MAP2K5: variants seen among roughly 807,000 people sequenced by gnomAD.
MAP2K5 encodes the protein dual specificity mitogen-activated protein kinase kinase 5.
Under a neutral mutation model 83.1 loss-of-function variants are expected in MAP2K5, and 49 were observed. That is an observed-to-expected ratio of 0.59 (90% CI 0.47 to 0.75). The LOEUF is 0.75. MAP2K5 is among the 30% of genes least tolerant of loss of function. The pLI, the probability that MAP2K5 is intolerant of heterozygous loss-of-function variation, is 0.00. For missense variants in MAP2K5, 457 were observed against 557.5 expected (o/e 0.82, Z 1.82); for synonymous variants, 202 against 191.8 (o/e 1.05, Z -0.44).
rs1032158975 is a variant in MAP2K5 at position 67,746,916 on chromosome 15, T to C, written c.1075-1315T>C. 6.6e-6 allele frequency among the ~76,000 whole-genome samples: 1 copy of C among 152,218 alleles called. No homozygotes were observed. The highest frequency in any genetic ancestry group is 1.5e-5 in the Non-Finnish European group (1 of 68,032). On this transcript the variant is annotated intron_variant, in intron 17 of 21. Transcript: ENST00000178640. This position sits in a 1 kb window ranked among gnomAD's most constrained non-coding sequence, Gnocchi z 4.1. Reference sequence around the variant, plus strand: ...AGAAATGCATAAACATAGCTGCAGCTCTTGAGAAACTCACAGTCTAGGTGA... The same window carrying C: ...AGAAATGCATAAACATAGCTGCAGCCCTTGAGAAACTCACAGTCTAGGTGA...
intron 8 of MAP2K5, among the ~76,000 whole-genome samples, chr15:67,613,272 C>T (rs1567309759): frequency 6.6e-6 from 1 of 152,190 alleles, no homozygotes; most frequent in African/African-American, 2.4e-5. Context: ...GCTAAGGTAT[C>T]TTGCAAATGT....
intron 8 of MAP2K5, among the ~76,000 whole-genome samples, chr15:67,618,165 T>C (rs2086097530): frequency 6.6e-6 from 1 of 152,244 alleles, no homozygotes; most frequent in Admixed American, 6.5e-5. Context: ...ATATAATCAG[T>C]TGGATTTATC....
At chr15:67,648,790 A>G (rs2086891879) in intron 11 of MAP2K5, among the ~76,000 whole-genome samples, 1 of 152,068 alleles carries the variant, frequency 6.6e-6, no homozygotes. Flanking sequence ...TCACTGTGTT[A>G]GGATGGTCTC....
At chr15:67,594,572 G>A (rs1320327783) in intron 7 of MAP2K5, among the ~76,000 whole-genome samples, 1 of 152,112 alleles carries the variant, frequency 6.6e-6, no homozygotes, top group Non-Finnish European at 1.5e-5. Flanking sequence ...TTTTCATAAT[G>A]TTTTGACAAA....
chr15:67,584,284 A>G lies in MAP2K5; in HGVS notation c.323-1606A>G, dbSNP rs535770763. ...CCAGTTATAAAAGTTTGAGAAGTCA[A>G]TTGAGGAGTGAGGCAGATGTTAAGG... On this transcript the variant is annotated intron_variant, in intron 4 of 21. Transcript: ENST00000178640. Among the ~76,000 whole-genome samples the G allele has an allele frequency of 3.3e-5, 5 of 152,344 alleles. No individual in the cohort carries two copies. In the East Asian group the frequency reaches 7.7e-4, roughly 24 times the overall value.
intron 9 of MAP2K5, among the ~76,000 whole-genome samples, chr15:67,633,315 T>G (rs1458899478): frequency 6.6e-6 from 1 of 152,248 alleles, no homozygotes; most frequent in Non-Finnish European, 1.5e-5. Flanking sequence ...TGATGATATA[T>G]TTAAAGATAG....
At position 67,760,100 on chromosome 15, in the gene MAP2K5, T is replaced by C. The variant is rs1276992917; in HGVS notation, c.1135-9502T>C. Among the ~76,000 whole-genome samples, 1 of 152,208 alleles carries C rather than the reference T, an allele frequency of 6.6e-6. No homozygotes were observed. The highest frequency in any genetic ancestry group is 1.5e-5 in the Non-Finnish European group (1 of 68,036). The stretch of plus-strand genomic sequence containing the variant: ...GTTTAAATTAATTCAGTTTGGCTGG[T>C]TTGAAAATTGAAAATAGGTTAGCAT... On this transcript the variant is annotated intron_variant, in intron 19 of 21. Transcript: ENST00000178640. The surrounding 1 kb of genome is among the most constrained non-coding windows in gnomAD (Gnocchi z 4.1).
rs2089810458 is a variant in MAP2K5 at position 67,755,233 on chromosome 15, C to T, written c.1134+6632C>T. On this transcript the variant is annotated intron_variant, in intron 19 of 21. Coordinates refer to ENST00000178640, the MANE Select transcript of MAP2K5 (RefSeq NM_145160.3). This position sits in a 1 kb window ranked among gnomAD's most constrained non-coding sequence, Gnocchi z 4.7. ...ACCTCAAGTGATCGCCCGCCTCAGC[C>T]TCCCAAAGTGCTAAGATTACAGGTG... Among the ~76,000 whole-genome samples, 1 of 152,178 alleles carries T rather than the reference C, an allele frequency of 6.6e-6. No individual in the cohort carries two copies. Among genetic ancestry groups the T allele is most frequent in the Non-Finnish European group, 1.5e-5 (1 of 68,022 alleles).
chr15:67,562,730 A>G lies in MAP2K5; in HGVS notation c.185-553A>G, dbSNP rs1319669957. 6.6e-6 allele frequency among the ~76,000 whole-genome samples: 1 copy of G among 152,182 alleles called. No individual in the cohort carries two copies. The highest frequency in any genetic ancestry group is 2.4e-5 in the African/African-American group (1 of 41,448). ...CACTAGGCCTAGGTTCTCCTGTGGA[A>G]AGAGAATAATAATAATGATGTTCAT... On this transcript the variant is annotated intron_variant, in intron 2 of 21. Transcript: ENST00000178640. The surrounding 1 kb of genome is among the most constrained non-coding windows in gnomAD (Gnocchi z 4.1).
In MAP2K5 at chr15:67,724,821, C is replaced by T. The variant is rs2089053597; in HGVS notation, c.1045-3095C>T. On this transcript the variant is annotated intron_variant, in intron 16 of 21. Coordinates refer to ENST00000178640, the MANE Select transcript of MAP2K5 (RefSeq NM_145160.3). This position sits in a 1 kb window ranked among gnomAD's most constrained non-coding sequence, Gnocchi z 4.4. ...CTTTCAGTGCCAGCCTAATAGTGCA[C>T]TTGCCAGTTTTCACTGGCATAGATT... Among the ~76,000 whole-genome samples, 1 of 152,238 alleles carries T rather than the reference C, an allele frequency of 6.6e-6. No individual in the cohort carries two copies. Among genetic ancestry groups the T allele is most frequent in the Non-Finnish European group, 1.5e-5 (1 of 68,046 alleles).
chr15:67,729,150 T>TATAC (rs1037478629), intron 17 of MAP2K5, among the ~76,000 whole-genome samples: 1 of 152,250 alleles, frequency 6.6e-6, no homozygotes, highest in Non-Finnish European at 1.5e-5. Flanking sequence ...TTAGTGTATA[T>TATAC]AGCCTTGCTG....
rs200759997 is a variant in MAP2K5, at chr15:67,677,608, G to T, written c.847+12963G>T. 2.0e-5 allele frequency among the ~76,000 whole-genome samples: 3 copies of T among 152,176 alleles called. No homozygotes were observed. In the East Asian group the frequency reaches 5.8e-4, roughly 29 times the overall value. ...TTCCCCAAAAATGTTTTATAGTCAA[G>T]AGGAGTCTTAACAGTCAGTGGTATC... On this transcript the variant is annotated intron_variant, in intron 13 of 21. Coordinates refer to ENST00000178640, the MANE Select transcript of MAP2K5 (RefSeq NM_145160.3). The surrounding 1 kb of genome is among the most constrained non-coding windows in gnomAD (Gnocchi z 4.2).
chr15:67,739,422 C>CTATG (rs2089420049), intron 17 of MAP2K5, among the ~76,000 whole-genome samples: 1 of 46,642 alleles, frequency 2.1e-5, no homozygotes, highest in African/African-American at 8.2e-5. Context: ...TTGTGTGTGA[C>CTATG]TATATATATA....
chr15:67,589,783 A>ATG (rs10584480), intron 6 of MAP2K5, among the ~76,000 whole-genome samples: 2,806 of 150,184 alleles, frequency 0.019, 39 homozygotes, highest in African/African-American at 0.035. Context: ...GTGTGTGTGT[A>ATG]TGTGTGTGTG....
rs140968240 is a variant in MAP2K5, at chr15:67,543,658, C to A, written c.135+188C>A. ...ACTAAAACCTGGCAAATGTCTAGGACCCTGGGGAGATAGATCAATCTGACT... is the reference window on the plus strand; with the variant it reads ...ACTAAAACCTGGCAAATGTCTAGGAACCTGGGGAGATAGATCAATCTGACT... On this transcript the variant is annotated intron_variant, in intron 1 of 21. Coordinates refer to ENST00000178640, the MANE Select transcript of MAP2K5 (RefSeq NM_145160.3). The surrounding 1 kb of genome is among the most constrained non-coding windows in gnomAD (Gnocchi z 4.3). Among the ~76,000 whole-genome samples the A allele has an allele frequency of 6.6e-6, 1 of 152,094 alleles. No homozygotes were observed. The highest frequency in any genetic ancestry group is 1.5e-5 in the Non-Finnish European group (1 of 68,006).
rs78017689 is a variant in MAP2K5, at chr15:67,551,745, G to T, written c.184+1663G>T. ...AGCCTTGACCTCCTGGCTCAGGCTT[G>T]TGGGATTATTTTCAATAGCAAAAAA... On this transcript the variant is annotated intron_variant, in intron 2 of 21. Transcript: ENST00000178640. Among the ~76,000 whole-genome samples the T allele has an allele frequency of 1.4e-4, 21 of 152,164 alleles. No individual in the cohort carries two copies. The East Asian group carries it at 2.5e-3, about 18-fold the overall frequency.
rs1266909077 is a variant in MAP2K5, at chr15:67,542,985, G to T, written c.-351G>T. 1.4e-5 allele frequency: 4 copies of T among 285,504 alleles called. No individual in the cohort carries two copies. Among genetic ancestry groups the T allele is most frequent in the Non-Finnish European group, 2.7e-5 (4 of 146,900 alleles). 17.7% of individuals were successfully genotyped at this position (285,504 alleles called of 1,614,324 possible). A position where few individuals can be genotyped will look rare whatever the true frequency, so the allele number is the denominator to read the frequency against. On this transcript the variant is annotated 5_prime_UTR_variant, in exon 1 of 22. Transcript: ENST00000178640. ...CCTGCCGCTGTATCTCCCCCAAACC[G>T]AGTCCTTGCCCTGCTGCCTCCTCAT...
rs71400377 is a variant in MAP2K5 at position 67,714,216 on chromosome 15, C to T, written c.1044+10808C>T. Among the ~76,000 whole-genome samples, 4 of 151,866 alleles carry T rather than the reference C, an allele frequency of 2.6e-5. No individual in the cohort carries two copies. The South Asian group carries it at 6.2e-4, about 24-fold the overall frequency. On this transcript the variant is annotated intron_variant, in intron 16 of 21. Coordinates refer to ENST00000178640, the MANE Select transcript of MAP2K5 (RefSeq NM_145160.3). ...GAAGATTAGAAATATATTCAATATT[C>T]TAGGCTTTTTCATGAACACTTTTAT...
At chr15:67,694,652 CT>C (rs753946377) in intron 15 of MAP2K5, among the ~76,000 whole-genome samples, 4 of 152,120 alleles carry the variant, frequency 2.6e-5, no homozygotes, top group Non-Finnish European at 5.9e-5. Context: ...CACTTTTACA[CT>C]GTTGGTGGGA....
Sources: gnomAD v4.1 joint callset for allele counts (sites outside exome capture counted in the v4.1 genomes callset) on GRCh38, gnomAD v4.1.1 for gene constraint, Gnocchi (gnomAD v3.1) non-coding constraint, MANE v1.5 for transcripts, NCBI Gene and HGNC (gene_info 2026-07-23, HGNC 2026-07-21) for gene names.